The following VTI1A variants were observed in gnomAD, a reference collection of about 807,000 sequenced individuals.
VTI1A encodes vesicle transport through interaction with t-SNAREs homolog 1A.
VTI1A carries 22 observed loss-of-function variants against 34.9 expected under a neutral mutation model. The observed-to-expected ratio is 0.63, with a 90% confidence interval of 0.45 to 0.90. The LOEUF is 0.90. VTI1A is among the 40% of genes least tolerant of loss of function. VTI1A has a pLI of 0.00. For missense variants in VTI1A, 268 were observed against 275.6 expected (o/e 0.97, Z 0.20); for synonymous variants, 87 against 97.3 (o/e 0.89, Z 0.62).
At chr10:112,649,810 A>G (rs1451138276) in intron 5 of VTI1A, among the ~76,000 whole-genome samples, 1 of 152,192 alleles carries the variant, frequency 6.6e-6, no homozygotes, top group Non-Finnish European at 1.5e-5. Context: ...TACTATAGGC[A>G]ATTGTAATAC....
At chr10:112,681,818 T>C (rs1268166708) in intron 7 of VTI1A, among the ~76,000 whole-genome samples, 1 of 152,188 alleles carries the variant, frequency 6.6e-6, no homozygotes, top group Non-Finnish European at 1.5e-5. Flanking sequence ...TACATATGAT[T>C]CATGAATAGA....
chr10:112,534,515 A>G (rs1589871895), intron 4 of VTI1A, among the ~76,000 whole-genome samples: 1 of 152,074 alleles, frequency 6.6e-6, no homozygotes, highest in African/African-American at 2.4e-5. Context: ...TTGGTATGTC[A>G]TCATTCTCTA....
intron 1 of VTI1A, among the ~76,000 whole-genome samples, chr10:112,447,720 T>A (rs1846957913): frequency 6.6e-6 from 1 of 152,206 alleles, no homozygotes; most frequent in Non-Finnish European, 1.5e-5. Flanking sequence ...GTAACTTGCA[T>A]AACCTGGAAA....
At chr10:112,669,490 GA>G (rs1415827201) in intron 7 of VTI1A, among the ~76,000 whole-genome samples, 3 of 152,096 alleles carry the variant, frequency 2.0e-5, no homozygotes, top group Non-Finnish European at 1.5e-5. Context: ...AAGATTATCT[GA>G]ATAATATGTG....
In VTI1A at chr10:112,658,984, A is replaced by G. The variant is rs1282547685; in HGVS notation, c.428-9234A>G. 2.0e-5 allele frequency among the ~76,000 whole-genome samples: 3 copies of G among 152,256 alleles called. No individual in the cohort carries two copies. In the East Asian group the frequency reaches 5.8e-4, roughly 29 times the overall value. On this transcript the variant is annotated intron_variant, in intron 5 of 7. Coordinates refer to ENST00000393077, the MANE Select transcript of VTI1A (RefSeq NM_145206.4). ...ATAGTGACTTCTCAAACATGTAATT[A>G]AAATGCTATACATTTAGTGATAGCA...
the VTI1A span, among the ~76,000 whole-genome samples, chr10:112,828,335 A>G: frequency 1.2e-3 from 179 of 152,290 alleles, no homozygotes; most frequent in African/African-American, 4.0e-3. Context: ...GTGGAAGAAC[A>G]CCTTAATGGT....
At chr10:112,680,747 C>G (rs1848182684) in intron 7 of VTI1A, among the ~76,000 whole-genome samples, 1 of 152,162 alleles carries the variant, frequency 6.6e-6, no homozygotes. Flanking sequence ...TTCCTGGGGC[C>G]TGGATGTGCA....
chr10:112,658,744 C>G (rs1426830199), intron 5 of VTI1A, among the ~76,000 whole-genome samples: 1 of 152,172 alleles, frequency 6.6e-6, no homozygotes, highest in Non-Finnish European at 1.5e-5. Flanking sequence ...GAAGCTATAA[C>G]TCAGTTCCAG....
intron 3 of VTI1A, among the ~76,000 whole-genome samples, chr10:112,471,664 G>C (rs1271086476): frequency 6.6e-6 from 1 of 151,608 alleles, no homozygotes; most frequent in Non-Finnish European, 1.5e-5. Context: ...GTCTGTTTAG[G>C]TATTTGAAAA....
intron 5 of VTI1A, among the ~76,000 whole-genome samples, chr10:112,555,827 T>C (rs572305340): frequency 1.5e-4 from 23 of 152,152 alleles, no homozygotes; most frequent in African/African-American, 5.3e-4. Flanking sequence ...TTAGTTTTGG[T>C]GTTTAAGGAG....
chr10:112,528,605 C>A (rs1233648874), intron 4 of VTI1A, among the ~76,000 whole-genome samples: 1 of 152,116 alleles, frequency 6.6e-6, no homozygotes, highest in Non-Finnish European at 1.5e-5. Context: ...ATATTTTCTT[C>A]TGTTTTTAAA....
intron 7 of VTI1A, among the ~76,000 whole-genome samples, chr10:112,726,112 A>G (rs1850015969): frequency 2.0e-5 from 3 of 152,266 alleles, no homozygotes; most frequent in Middle Eastern, 3.4e-3. Flanking sequence ...TTGGTATCTC[A>G]TCGTCCTGCT....
chr10:112,744,551 C>T (rs1850820996), intron 7 of VTI1A, among the ~76,000 whole-genome samples: 1 of 148,682 alleles, frequency 6.7e-6, no homozygotes, highest in Non-Finnish European at 1.5e-5. Context: ...CTCAAGCGAT[C>T]TTCCCACCTC....
At chr10:112,507,232 G>A (rs926279527) in intron 3 of VTI1A, among the ~76,000 whole-genome samples, 5 of 152,150 alleles carry the variant, frequency 3.3e-5, no homozygotes, top group Admixed American at 2.0e-4. Flanking sequence ...AAATGCTGGC[G>A]CGTTTCCAGA....
At chr10:112,696,562 A>G (rs1848798077) in intron 7 of VTI1A, among the ~76,000 whole-genome samples, 1 of 152,242 alleles carries the variant, frequency 6.6e-6, no homozygotes, top group Admixed American at 6.5e-5. Flanking sequence ...GAATTCTCTC[A>G]TCGGGCTATT....
intron 5 of VTI1A, among the ~76,000 whole-genome samples, chr10:112,615,250 T>C (rs1845473545): frequency 6.6e-6 from 1 of 152,210 alleles, no homozygotes; most frequent in African/African-American, 2.4e-5. Flanking sequence ...CACAGTAGTT[T>C]AGCAAGGGCA....
intron 7 of VTI1A, chr10:112,737,376 G>A: frequency 9.7e-7 from 1 of 1,029,884 alleles, no homozygotes; most frequent in Non-Finnish European, 1.2e-6. Flanking sequence ...TAAATGAGCT[G>A]TGGATTATTC....
chr10:112,611,817 C>G lies in VTI1A; in HGVS notation c.428-56401C>G, dbSNP rs111366307. Among the ~76,000 whole-genome samples, 97 of 146,478 alleles carry G rather than the reference C, an allele frequency of 6.6e-4. 1 individual carries two copies. The highest frequency in any genetic ancestry group is 2.5e-3 in the African/African-American group (95 of 38,608). ...AGTCCAGTAGCGCTATCTCAGCTCA[C>G]TGCAAGCTCCATCTCCTGGGTTCAC... On this transcript the variant is annotated intron_variant, in intron 5 of 7. Coordinates refer to ENST00000393077, the MANE Select transcript of VTI1A (RefSeq NM_145206.4).
At chr10:112,682,379 T>G (rs910266880) in intron 7 of VTI1A, among the ~76,000 whole-genome samples, 1 of 152,210 alleles carries the variant, frequency 6.6e-6, no homozygotes, top group Non-Finnish European at 1.5e-5. Context: ...TTAAGGTTGT[T>G]TTTATTGTAT....
Sources: gnomAD v4.1 joint callset for allele counts (sites outside exome capture counted in the v4.1 genomes callset) on GRCh38, gnomAD v4.1.1 for gene constraint, MANE v1.5 for transcripts, NCBI Gene and HGNC (gene_info 2026-07-23, HGNC 2026-07-21) for gene names.